The following VBP1 variants were observed in gnomAD, a reference collection of about 807,000 sequenced individuals.
VBP1 encodes VHL binding protein 1.
Under a neutral mutation model 15.5 loss-of-function variants are expected in VBP1, and 4 were observed. That is an observed-to-expected ratio of 0.26 (90% CI 0.13 to 0.59). The LOEUF (loss-of-function observed/expected upper bound fraction) is 0.59. Among genes scored for constraint, VBP1 ranks in the 20% least tolerant of loss-of-function variants. VBP1 has a pLI of 0.90. For synonymous variants in VBP1, 61 were observed against 52.1 expected (o/e 1.17, Z -0.74); for missense variants, 108 against 139.6 (o/e 0.77, Z 1.14).
At chrX:155,235,101 A>AGTGTGTGTGTGTGTATGTGTGTGTGTGT in intron 4 of VBP1, among the ~76,000 whole-genome samples, 1 of 104,193 alleles carries the variant, frequency 9.6e-6, no homozygotes, top group East Asian at 3.0e-4. Context: ...CATTTCACCC[A>AGTGTGTGTGTGTGTATGTGTGTGTGTGT]GTGTGTGTGT....
At chrX:155,198,119 G>T (rs1297806703) in intron 1 of VBP1, among the ~76,000 whole-genome samples, 3 of 112,674 alleles carry the variant, frequency 2.7e-5, no homozygotes, top group African/African-American at 9.6e-5. Flanking sequence ...GCTCGAACTG[G>T]GTGGAGCCCA....
chrX:155,203,527 G>C (rs1312604792), intron 1 of VBP1, among the ~76,000 whole-genome samples: 2 of 101,854 alleles, frequency 2.0e-5, no homozygotes, highest in African/African-American at 7.2e-5. Flanking sequence ...ACCAAACACC[G>C]CATGTTCTCA....
At chrX:155,203,891 A>G (rs1490325533) in intron 1 of VBP1, among the ~76,000 whole-genome samples, 2 of 112,200 alleles carry the variant, frequency 1.8e-5, no homozygotes, top group Non-Finnish European at 3.8e-5. Flanking sequence ...TAACACAAAG[A>G]TAGTTTGAGT....
In VBP1 at chrX:155,216,487, C is replaced by T. The variant is rs1557309022; in HGVS notation, c.5C>T (p.Ala2Val). The T allele has an allele frequency of 8.6e-7, 1 of 1,167,699 alleles. No individual in the cohort carries two copies. The highest frequency in any genetic ancestry group is 1.1e-6 in the Non-Finnish European group (1 of 872,682). Residue 2 changes from alanine to valine, a missense_variant, in exon 1 of 6, where the codon GCG becomes GTG. Physicochemically the swap from Ala to Val is moderately conservative, Grantham distance 64. Coordinates refer to ENST00000286428, the MANE Select transcript of VBP1 (RefSeq NM_003372.7). ...TCGCGCGCTCGCATCCCCAAGATGGCGGCCGTTAAGGACAGTTGTGGCAAA... is the reference window on the plus strand; with the variant it reads ...TCGCGCGCTCGCATCCCCAAGATGGTGGCCGTTAAGGACAGTTGTGGCAAA... Reference protein sequence around the residue: MAAVKDSCGKGE... With the variant: MVAVKDSCGKGE...
intron 2 of VBP1, among the ~76,000 whole-genome samples, chrX:155,210,156 C>T (rs782733345): frequency 9.0e-6 from 1 of 111,600 alleles, no homozygotes; most frequent in Non-Finnish European, 1.9e-5. Context: ...CCTAAAAGCA[C>T]GTGTGTCAGC....
intron 1 of VBP1, 94 bp from the exon 2 acceptor site, chrX:155,220,089 C>T (rs2074682190): frequency 1.1e-6 from 1 of 881,697 alleles, no homozygotes; most frequent in Admixed American, 3.5e-5. Context: ...AAAAACAAAG[C>T]TTTTTTTTCT....
intron 1 of VBP1, among the ~76,000 whole-genome samples, chrX:155,208,631 A>G (rs1192903564): frequency 9.0e-6 from 1 of 111,448 alleles, no homozygotes; most frequent in East Asian, 2.8e-4. Flanking sequence ...CTTTTCAATA[A>G]CTATTCTTTA....
chrX:155,214,805 TA>T (rs1488672553), upstream of VBP1, among the ~76,000 whole-genome samples: 1 of 91,040 alleles, frequency 1.1e-5, no homozygotes, highest in Non-Finnish European at 2.1e-5. Context: ...AATGACCACC[TA>T]TAGAGTTGAT....
At chrX:155,200,574 A>G (rs1557307298) in intron 1 of VBP1, among the ~76,000 whole-genome samples, 1 of 109,923 alleles carries the variant, frequency 9.1e-6, no homozygotes, top group African/African-American at 3.3e-5. Context: ...GAACAAAGAC[A>G]CAACATACCA....
intron 1 of VBP1, among the ~76,000 whole-genome samples, chrX:155,205,177 C>T (rs1261160095): frequency 8.9e-6 from 1 of 112,247 alleles, no homozygotes; most frequent in African/African-American, 3.2e-5. Flanking sequence ...TTATGCAATA[C>T]AATACAGGTA....
chrX:155,226,112 C>T (rs1043462880), intron 2 of VBP1, among the ~76,000 whole-genome samples: 3 of 111,963 alleles, frequency 2.7e-5, no homozygotes, highest in Admixed American at 1.9e-4. Flanking sequence ...ACCAGAGCTT[C>T]GTTTTTATAT....
At chrX:155,233,941 G>C (rs1472594950) in intron 4 of VBP1, among the ~76,000 whole-genome samples, 4 of 110,267 alleles carry the variant, frequency 3.6e-5, no homozygotes, top group Non-Finnish European at 7.6e-5. Context: ...GTAAGTGAAC[G>C]AATCTGTTGT....
chrX:155,213,551 A>G (rs1045109399), upstream of VBP1: 3 of 126,219 alleles, frequency 2.4e-5, no homozygotes, highest in African/African-American at 9.5e-5. Flanking sequence ...GGGGACTCCA[A>G]TTGTATGTCA....
chrX:155,211,055 G>A (rs2074643342), intron 2 of VBP1, among the ~76,000 whole-genome samples: 1 of 111,893 alleles, frequency 8.9e-6, no homozygotes, highest in Admixed American at 9.5e-5. Context: ...TTTAGGAAGA[G>A]GAAATGGAGG....
chrX:155,227,771 T>C (rs1275184198), intron 3 of VBP1, among the ~76,000 whole-genome samples: 3 of 112,272 alleles, frequency 2.7e-5, no homozygotes, highest in Non-Finnish European at 5.6e-5. Flanking sequence ...ATTGTCTATG[T>C]AGTTAGTTAC....
At chrX:155,232,779 G>A (rs1416782118) in intron 4 of VBP1, among the ~76,000 whole-genome samples, 1 of 112,898 alleles carries the variant, frequency 8.9e-6, no homozygotes, top group Admixed American at 9.3e-5. Context: ...CAGAACATAT[G>A]CATTGCCTAT....
upstream of VBP1, among the ~76,000 whole-genome samples, chrX:155,213,827 T>A (rs1327796219): frequency 8.9e-6 from 1 of 112,537 alleles, no homozygotes; most frequent in African/African-American, 3.2e-5. Context: ...ATTTATCACC[T>A]TCTAATTATT....
intron 2 of VBP1, among the ~76,000 whole-genome samples, chrX:155,222,543 G>A (rs782394941): frequency 2.7e-5 from 3 of 111,429 alleles, no homozygotes; most frequent in South Asian, 3.8e-4. Context: ...GGAAATTTGC[G>A]TATCAAACTT....
intron 1 of VBP1, 140 bp downstream of exon 1, chrX:155,216,715 C>A: frequency 1.1e-6 from 1 of 869,967 alleles, no homozygotes; most frequent in Non-Finnish European, 1.6e-6. Flanking sequence ...GCTCTCACCC[C>A]TCGCACCTGG....
Sources: allele counts gnomAD v4.1 joint callset (sites outside exome capture counted in the v4.1 genomes callset), GRCh38; gene constraint gnomAD v4.1.1; transcripts MANE v1.5; gene names NCBI Gene and HGNC (gene_info 2026-07-23, HGNC 2026-07-21).